ULK2: variants seen among roughly 807,000 people sequenced by gnomAD.
ULK2 encodes unc-51 like autophagy activating kinase 2, also known as serine/threonine-protein kinase ULK2.
ULK2 carries 76 observed loss-of-function variants against 127.5 expected under a neutral mutation model. That is an observed-to-expected ratio of 0.60 (90% CI 0.50 to 0.72). ULK2 has a LOEUF of 0.72. Ranked by LOEUF, ULK2 falls within the 30% of genes least tolerant of loss-of-function variation. The pLI, the probability that ULK2 is intolerant of heterozygous loss-of-function variation, is 0.00. For synonymous variants in ULK2, 452 were observed against 461.9 expected, an observed-to-expected ratio of 0.98 and a Z score of 0.28; for missense variants, 1,144 against 1,295.9, an observed-to-expected ratio of 0.88 and a Z score of 1.80.
At chr17:19,819,068 G>A (rs944821886) in intron 12 of ULK2, among the ~76,000 whole-genome samples, 1 of 151,692 alleles carries the variant, frequency 6.6e-6, no homozygotes, top group Admixed American at 6.6e-5. Flanking sequence ...CAAAGTGCTG[G>A]GATTACAGGC....
At chr17:19,810,982 T>C (rs1369573218) in intron 13 of ULK2, 1 of 152,054 alleles carries the variant, frequency 6.6e-6, no homozygotes, top group Non-Finnish European at 1.5e-5. Flanking sequence ...AGGCCAGGTG[T>C]GGTAGCTCAT....
At chr17:19,776,943 T>C (rs2086822633) in intron 26 of ULK2, among the ~76,000 whole-genome samples, 1 of 152,186 alleles carries the variant, frequency 6.6e-6, no homozygotes, top group Non-Finnish European at 1.5e-5. Context: ...AAAGATGAAT[T>C]ACGCAGTCAC....
intron 17 of ULK2, among the ~76,000 whole-genome samples, chr17:19,798,480 A>G (rs1206731294): frequency 1.3e-5 from 2 of 152,250 alleles, no homozygotes; most frequent in Non-Finnish European, 2.9e-5. Flanking sequence ...ACTAGCAAGA[A>G]TAATATAAAG....
intron 20 of ULK2, among the ~76,000 whole-genome samples, chr17:19,791,975 C>T (rs1325818094): frequency 1.3e-5 from 2 of 151,808 alleles, no homozygotes; most frequent in East Asian, 3.9e-4. Context: ...CAATATGCTC[C>T]TGAATGACCA....
intron 19 of ULK2, 89 bp downstream of exon 19, chr17:19,796,006 T>A: frequency 6.6e-7 from 1 of 1,508,164 alleles, no homozygotes; most frequent in Non-Finnish European, 8.9e-7. Flanking sequence ...CCCGCTACAC[T>A]AATGTAGTCT....
chr17:19,833,069 G>A (rs1394581289), intron 10 of ULK2, among the ~76,000 whole-genome samples: 1 of 147,334 alleles, frequency 6.8e-6, no homozygotes, highest in Non-Finnish European at 1.5e-5. Flanking sequence ...CTTGCAGTGA[G>A]CTGAGATCAT....
At chr17:19,866,749 A>C (rs953234496) in intron 1 of ULK2, among the ~76,000 whole-genome samples, 3 of 152,222 alleles carry the variant, frequency 2.0e-5, no homozygotes, top group African/African-American at 7.2e-5. Flanking sequence ...TTCATGTTCA[A>C]GGTGATTGAA....
At chr17:19,824,824 G>T (rs571272044) in intron 12 of ULK2, among the ~76,000 whole-genome samples, 104 of 152,282 alleles carry the variant, frequency 6.8e-4, no homozygotes, top group Non-Finnish European at 6.8e-4. Flanking sequence ...ACACCATAGG[G>T]TATAAGAAGG....
At chr17:19,809,682 G>T (rs555136944) in intron 14 of ULK2, among the ~76,000 whole-genome samples, 7 of 128,514 alleles carry the variant, frequency 5.4e-5, no homozygotes, top group Admixed American at 1.0e-4. Context: ...GCAGTGAGCC[G>T]ACATCACGCC....
chr17:19,798,765 TAACTTATA>T (rs1280875263), intron 17 of ULK2, among the ~76,000 whole-genome samples: 2 of 152,194 alleles, frequency 1.3e-5, no homozygotes, highest in Admixed American at 1.3e-4. Context: ...AAAGTGTCTT[TAACTTATA>T]AAGACATGAT....
At chr17:19,778,205 C>G (rs935184256) in intron 25 of ULK2, among the ~76,000 whole-genome samples, 1 of 152,230 alleles carries the variant, frequency 6.6e-6, no homozygotes, top group African/African-American at 2.4e-5. Context: ...AAGTGCCAGG[C>G]ACTGCGCCTA....
intron 18 of ULK2, among the ~76,000 whole-genome samples, chr17:19,796,900 A>T (rs573782992): frequency 6.6e-6 from 1 of 152,282 alleles, no homozygotes; most frequent in African/African-American, 2.4e-5. Flanking sequence ...TCTAAGCCTC[A>T]ATTTCCTTTT....
chr17:19,854,145 G>C (rs902217612), intron 3 of ULK2, among the ~76,000 whole-genome samples: 1 of 151,862 alleles, frequency 6.6e-6, no homozygotes, highest in South Asian at 2.1e-4. Context: ...GGGTGTGGTG[G>C]TGCATGCCTG....
At chr17:19,840,905 A>G (rs1489066303) in intron 9 of ULK2, among the ~76,000 whole-genome samples, 1 of 151,998 alleles carries the variant, frequency 6.6e-6, no homozygotes, top group African/African-American at 2.4e-5. Flanking sequence ...AAAAAAAAGC[A>G]TACAGTGCCT....
At chr17:19,857,373 TTTC>T in intron 3 of ULK2, among the ~76,000 whole-genome samples, 1 of 152,082 alleles carries the variant, frequency 6.6e-6, no homozygotes, top group African/African-American at 2.4e-5. Flanking sequence ...AGCTTCTGAG[TTTC>T]TTATCTTGAT....
At chr17:19,778,900 C>T (rs567721822) in intron 25 of ULK2, among the ~76,000 whole-genome samples, 129 of 152,180 alleles carry the variant, frequency 8.5e-4, no homozygotes, top group Non-Finnish European at 1.6e-3. Flanking sequence ...CCAGGACGAA[C>T]GGAGGAATTT....
At position 19,797,608 on chromosome 17, in the gene ULK2, T is replaced by C; in HGVS notation, c.1597A>G (p.Thr533Ala). Residue 533 changes from threonine (T) to alanine (A), a missense_variant, in exon 18 of 27, where the codon ACT becomes GCT. Transcript: ENST00000395544. ...GARLQSAPTL[T>A]DIYQNKQKLR... ...TTCTGCTTGTTCTGATAGATGTCAG[T>C]GAGGGTGGGGGCGCTCTGCAGTCTA... 1 of 1,613,524 alleles carries C rather than the reference T, an allele frequency of 6.2e-7. No homozygotes were observed. Among genetic ancestry groups the C allele is most frequent in the East Asian group, 2.2e-5 (1 of 44,818 alleles).
chr17:19,844,487 A>G (rs1299891201), intron 7 of ULK2, among the ~76,000 whole-genome samples: 1 of 152,132 alleles, frequency 6.6e-6, no homozygotes, highest in East Asian at 1.9e-4. Context: ...ATCCTTTAAT[A>G]ATCAGCCAAA....
intron 9 of ULK2, chr17:19,840,217 G>T: frequency 2.0e-6 from 1 of 502,622 alleles, no homozygotes; most frequent in East Asian, 5.6e-5. Context: ...GACACCCGAC[G>T]GGCGCAAGTT....
Sources: gnomAD v4.1 joint callset for allele counts (sites outside exome capture counted in the v4.1 genomes callset) on GRCh38, gnomAD v4.1.1 for gene constraint, MANE v1.5 for transcripts, NCBI Gene and HGNC (gene_info 2026-07-23, HGNC 2026-07-21) for gene names.